ADGRB3: variants seen among roughly 807,000 people sequenced by gnomAD.
ADGRB3 encodes the protein brain-specific angiogenesis inhibitor 3.
ADGRB3 carries 37 observed loss-of-function variants against 193.4 expected under a neutral mutation model. The observed-to-expected ratio is 0.19, with a 90% CI of 0.15 to 0.25. The LOEUF (loss-of-function observed/expected upper bound fraction) is 0.25, where lower values mean the gene tolerates loss of function less well. Among genes scored for constraint, ADGRB3 ranks in the 10% least tolerant of loss-of-function variants. The pLI is 1.00. For missense variants in ADGRB3, 1,637 were observed against 1,852.9 expected, an observed-to-expected ratio of 0.88 and a Z score of 2.14; for synonymous variants, 690 against 644.2, an observed-to-expected ratio of 1.07 and a Z score of -1.08.
chr6:68,880,532 T>G (rs1411112698), intron 3 of ADGRB3, among the ~76,000 whole-genome samples: 1 of 152,230 alleles, frequency 6.6e-6, no homozygotes, highest in Non-Finnish European at 1.5e-5. Context: ...AACACTCCTA[T>G]TCAAGCTTGC....
At chr6:68,806,882 A>G (rs1404384023) in intron 3 of ADGRB3, among the ~76,000 whole-genome samples, 1 of 152,146 alleles carries the variant, frequency 6.6e-6, no homozygotes, top group Non-Finnish European at 1.5e-5. Flanking sequence ...TACCATAAGC[A>G]TTCATATTGT....
intron 3 of ADGRB3, among the ~76,000 whole-genome samples, chr6:68,844,300 A>C (rs961928860): frequency 2.9e-4 from 44 of 152,184 alleles, no homozygotes; most frequent in Non-Finnish European, 6.3e-4. Context: ...AATAACTAGA[A>C]AAAAGAGCTC....
chr6:68,814,698 G>A lies in ADGRB3; in HGVS notation c.758-115861G>A, dbSNP rs189510422. On this transcript the variant is annotated intron_variant, in intron 3 of 31. Coordinates refer to ENST00000370598, the MANE Select transcript of ADGRB3 (RefSeq NM_001704.3). Reference sequence around the variant, plus strand: ...GACACAACAAAACAAGAGAATTTTAGACCAATATCCCTGATGAACATCGAT... The same window carrying A: ...GACACAACAAAACAAGAGAATTTTAAACCAATATCCCTGATGAACATCGAT... 1.8e-3 allele frequency among the ~76,000 whole-genome samples: 280 copies of A among 152,166 alleles called. 1 individual carries two copies. The highest frequency in any genetic ancestry group is 6.6e-3 in the African/African-American group (273 of 41,516).
intron 8 of ADGRB3, among the ~76,000 whole-genome samples, chr6:68,960,503 T>TC (rs1217506466): frequency 6.6e-6 from 1 of 152,088 alleles, no homozygotes; most frequent in Non-Finnish European, 1.5e-5. Flanking sequence ...GTGATCCCCA[T>TC]CCCCACCCTG....
At chr6:69,203,427 T>C (rs1300919652) in intron 17 of ADGRB3, among the ~76,000 whole-genome samples, 1 of 151,712 alleles carries the variant, frequency 6.6e-6, no homozygotes, top group Non-Finnish European at 1.5e-5. Flanking sequence ...ATTCCTTCTT[T>C]CTATTAGTCT....
chr6:68,843,201 A>T (rs1001091893), intron 3 of ADGRB3, among the ~76,000 whole-genome samples: 6 of 152,036 alleles, frequency 3.9e-5, no homozygotes, highest in African/African-American at 1.4e-4. Context: ...AAAGAGAAAG[A>T]AATGGCATCC....
intron 30 of ADGRB3, 145 bp downstream of exon 30, chr6:69,372,586 T>C (rs1769729702): frequency 5.2e-6 from 2 of 388,114 alleles, no homozygotes; most frequent in Non-Finnish European, 9.1e-6. Context: ...TTAATTAAAG[T>C]TTATCCTGTA....
intron 17 of ADGRB3, among the ~76,000 whole-genome samples, chr6:69,207,958 A>G (rs1420117634): frequency 1.3e-5 from 2 of 152,206 alleles, no homozygotes; most frequent in African/African-American, 4.8e-5. Flanking sequence ...AAGAGGTCCA[A>G]TATAATCAAC....
At chr6:69,370,965 TG>T (rs1201957400) in intron 29 of ADGRB3, among the ~76,000 whole-genome samples, 1 of 151,766 alleles carries the variant, frequency 6.6e-6, no homozygotes, top group African/African-American at 2.4e-5. Flanking sequence ...GGCGGGGAGA[TG>T]GCAAAAGAGG....
At chr6:69,117,363 T>G (rs1283421028) in intron 17 of ADGRB3, among the ~76,000 whole-genome samples, 1 of 152,206 alleles carries the variant, frequency 6.6e-6, no homozygotes, top group African/African-American at 2.4e-5. Flanking sequence ...TATAATCCAC[T>G]GATAAAGTTT....
At chr6:68,711,014 T>G (rs2127316145) in intron 3 of ADGRB3, among the ~76,000 whole-genome samples, 1 of 152,206 alleles carries the variant, frequency 6.6e-6, no homozygotes, top group East Asian at 1.9e-4. Flanking sequence ...TTGATCCCTT[T>G]TCACCCTTCA....
At chr6:69,185,207 G>A (rs899919134) in intron 17 of ADGRB3, among the ~76,000 whole-genome samples, 11 of 152,170 alleles carry the variant, frequency 7.2e-5, no homozygotes, top group African/African-American at 2.6e-4. Context: ...TACTAGTACT[G>A]TACCTATATC....
At chr6:69,183,451 G>T (rs978596487) in intron 17 of ADGRB3, among the ~76,000 whole-genome samples, 3 of 150,810 alleles carry the variant, frequency 2.0e-5, no homozygotes, top group Non-Finnish European at 4.4e-5. Context: ...GTTTTTAGGA[G>T]AACTTCATTC....
At chr6:69,365,714 G>T (rs1769553335) in intron 29 of ADGRB3, among the ~76,000 whole-genome samples, 1 of 152,002 alleles carries the variant, frequency 6.6e-6, no homozygotes, top group African/African-American at 2.4e-5. Flanking sequence ...CTCTCAATTT[G>T]TAATGGCCAG....
intron 23 of ADGRB3, chr6:69,331,649 C>T: frequency 4.1e-6 from 4 of 985,348 alleles, no homozygotes; most frequent in Non-Finnish European, 4.8e-6. Context: ...CTATTAGACA[C>T]CTTTTTTGTC....
intron 13 of ADGRB3, among the ~76,000 whole-genome samples, chr6:69,044,662 A>C (rs1771188643): frequency 6.6e-6 from 1 of 152,232 alleles, no homozygotes; most frequent in South Asian, 2.1e-4. Context: ...GAAAGTATTA[A>C]AATTGCAAAA....
intron 3 of ADGRB3, among the ~76,000 whole-genome samples, chr6:68,875,040 CTCCTTCCT>C (rs72049013): frequency 1.5e-5 from 2 of 132,726 alleles, no homozygotes; most frequent in East Asian, 2.0e-4. Flanking sequence ...TCTTTCTTTC[CTCCTTCCT>C]TCCTTCCTTC....
intron 3 of ADGRB3, among the ~76,000 whole-genome samples, chr6:68,650,305 G>A (rs1768331921): frequency 6.6e-6 from 1 of 151,834 alleles, no homozygotes; most frequent in African/African-American, 2.4e-5. Flanking sequence ...TTGAGTTTAG[G>A]CCCTCTAGGT....
chr6:68,915,468 C>T (rs1235920133), intron 3 of ADGRB3, among the ~76,000 whole-genome samples: 1 of 152,108 alleles, frequency 6.6e-6, no homozygotes, highest in African/African-American at 2.4e-5. Flanking sequence ...TATAGGTGTT[C>T]ATAAAATACA....
Sources: gnomAD v4.1 joint callset for allele counts (sites outside exome capture counted in the v4.1 genomes callset) on GRCh38, gnomAD v4.1.1 for gene constraint, MANE v1.5 for transcripts, NCBI Gene and HGNC (gene_info 2026-07-23, HGNC 2026-07-21) for gene names.